The following SUCLG2 variants were observed in gnomAD, a reference collection of about 807,000 sequenced individuals.
The protein encoded by SUCLG2 is succinate-CoA ligase GDP-forming subunit beta, also known as succinate--CoA ligase [GDP-forming] subunit beta, mitochondrial.
SUCLG2 carries 42 observed loss-of-function variants against 47.9 expected under a neutral mutation model. The ratio of observed to expected loss-of-function variants is 0.88; its 90% CI spans 0.69 to 1.14. The LOEUF is 1.14. Among genes scored for constraint, SUCLG2 ranks in the 50% most tolerant of loss-of-function variants. The probability of loss-of-function intolerance (pLI) is 0.00; values close to 1 mark genes in which losing one functional copy is unlikely to be tolerated. For missense variants in SUCLG2, 571 were observed against 525.9 expected, an observed-to-expected ratio of 1.09 and a Z score of -0.84; for synonymous variants, 195 against 197.3, an observed-to-expected ratio of 0.99 and a Z score of 0.10.
chr3:67,374,371 T>C (rs1055914694), downstream of SUCLG2, among the ~76,000 whole-genome samples: 2 of 152,212 alleles, frequency 1.3e-5, no homozygotes, highest in African/African-American at 2.4e-5. Context: ...CTACTACATA[T>C]TTATACACTG....
At chr3:67,544,112 G>T (rs772547834) in intron 2 of SUCLG2, among the ~76,000 whole-genome samples, 5 of 152,138 alleles carry the variant, frequency 3.3e-5, no homozygotes, top group Non-Finnish European at 5.9e-5. Flanking sequence ...CATGGTCATT[G>T]CCTTTTGTAA....
intron 1 of SUCLG2, among the ~76,000 whole-genome samples, chr3:67,635,790 T>C (rs1701000191): frequency 6.6e-6 from 1 of 152,220 alleles, no homozygotes. Context: ...AAGTAAAAGC[T>C]GGAAGTAAAA....
chr3:67,533,367 T>C (rs780425612), intron 2 of SUCLG2, among the ~76,000 whole-genome samples: 1 of 152,180 alleles, frequency 6.6e-6, no homozygotes, highest in East Asian at 1.9e-4. Context: ...GAGTCAATAA[T>C]ATTGGACTTG....
At chr3:67,447,368 A>C (rs1459656776) in intron 9 of SUCLG2, among the ~76,000 whole-genome samples, 1 of 152,216 alleles carries the variant, frequency 6.6e-6, no homozygotes, top group Non-Finnish European at 1.5e-5. Flanking sequence ...TAAGTGTAGG[A>C]ATGAGTTTTT....
chr3:67,503,748 G>C (rs1473421112), intron 7 of SUCLG2, among the ~76,000 whole-genome samples: 1 of 152,178 alleles, frequency 6.6e-6, no homozygotes, highest in Non-Finnish European at 1.5e-5. Flanking sequence ...ATTGTTACAT[G>C]CTTGATAGAT....
intron 10 of SUCLG2, among the ~76,000 whole-genome samples, chr3:67,396,709 G>C (rs1702538952): frequency 6.6e-6 from 1 of 152,096 alleles, no homozygotes; most frequent in Non-Finnish European, 1.5e-5. Context: ...GCCTGGCAGA[G>C]ACACAACCAA....
intron 1 of SUCLG2, among the ~76,000 whole-genome samples, chr3:67,653,842 C>G (rs1045362362): frequency 6.6e-6 from 1 of 152,190 alleles, no homozygotes; most frequent in African/African-American, 2.4e-5. Flanking sequence ...CACCACTGAC[C>G]CTCTTTGATT....
chr3:67,633,758 C>G (rs1700964585), intron 1 of SUCLG2, among the ~76,000 whole-genome samples: 2 of 152,070 alleles, frequency 1.3e-5, no homozygotes, highest in Admixed American at 6.6e-5. Flanking sequence ...TATGAAGGGC[C>G]CTCAGAGGAA....
At chr3:67,457,684 CTTTTTTT>C (rs71109889) in intron 9 of SUCLG2, among the ~76,000 whole-genome samples, 6 of 65,510 alleles carry the variant, frequency 9.2e-5, no homozygotes, top group Non-Finnish European at 1.3e-4. Context: ...ACAAAAGCAG[CTTTTTTT>C]TTTTTTTTTT....
intron 6 of SUCLG2, among the ~76,000 whole-genome samples, chr3:67,510,889 CTTTTTTTT>C (rs369542916): frequency 1.6e-5 from 2 of 124,158 alleles, no homozygotes; most frequent in African/African-American, 5.9e-5. Flanking sequence ...TTAAATTGTT[CTTTTTTTT>C]TTTTTTTTTT....
At chr3:67,546,922 G>C (rs552831737) in intron 2 of SUCLG2, among the ~76,000 whole-genome samples, 1 of 152,176 alleles carries the variant, frequency 6.6e-6, no homozygotes, top group South Asian at 2.1e-4. Context: ...AAACAAAAAA[G>C]ATTCATATTG....
At chr3:67,609,405 G>C (rs764611479) in intron 2 of SUCLG2, 50 bp downstream of exon 2, 5 of 1,581,228 alleles carry the variant, frequency 3.2e-6, no homozygotes, top group Non-Finnish European at 4.3e-6. Context: ...CACTACCTGT[G>C]AATTCACTGA....
At chr3:67,644,005 T>C (rs1701148065) in intron 1 of SUCLG2, among the ~76,000 whole-genome samples, 1 of 152,224 alleles carries the variant, frequency 6.6e-6, no homozygotes, top group Non-Finnish European at 1.5e-5. Context: ...GTGCTGCATT[T>C]GACCCACTGA....
At chr3:67,535,978 G>A (rs377029386) in intron 2 of SUCLG2, among the ~76,000 whole-genome samples, 6 of 152,226 alleles carry the variant, frequency 3.9e-5, no homozygotes, top group African/African-American at 7.2e-5. Context: ...GAGCCCACAA[G>A]TGTTGCGGGT....
chr3:67,543,096 G>T (rs912771511), intron 2 of SUCLG2, among the ~76,000 whole-genome samples: 3 of 152,148 alleles, frequency 2.0e-5, no homozygotes, highest in African/African-American at 7.2e-5. Context: ...AAATGCAAAA[G>T]AATGGAAATC....
chr3:67,422,852 C>T (rs1476201806), intron 9 of SUCLG2, among the ~76,000 whole-genome samples: 1 of 152,160 alleles, frequency 6.6e-6, no homozygotes, highest in Non-Finnish European at 1.5e-5. Flanking sequence ...GCATCTTCAG[C>T]TACACCAAGA....
At chr3:67,468,825 T>C (rs958036928) in intron 9 of SUCLG2, among the ~76,000 whole-genome samples, 1 of 152,142 alleles carries the variant, frequency 6.6e-6, no homozygotes, top group South Asian at 2.1e-4. Flanking sequence ...GGGTGGTTTA[T>C]TAAGGAAGCA....
intron 9 of SUCLG2, among the ~76,000 whole-genome samples, chr3:67,472,576 T>G (rs1704632129): frequency 6.6e-6 from 1 of 152,220 alleles, no homozygotes; most frequent in Non-Finnish European, 1.5e-5. Context: ...TGAAGCCATC[T>G]GTTAATGTCT....
At chr3:67,469,358 G>C (rs897455779) in intron 9 of SUCLG2, among the ~76,000 whole-genome samples, 1 of 152,164 alleles carries the variant, frequency 6.6e-6, no homozygotes, top group African/African-American at 2.4e-5. Flanking sequence ...ATCAAGGAGA[G>C]GATACCCTGA....
Sources: gnomAD v4.1 joint callset for allele counts (sites outside exome capture counted in the v4.1 genomes callset) on GRCh38, gnomAD v4.1.1 for gene constraint, MANE v1.5 for transcripts, NCBI Gene and HGNC (gene_info 2026-07-23, HGNC 2026-07-21) for gene names.